RBM19: variants seen among roughly 807,000 people sequenced by gnomAD.
The protein encoded by RBM19 is RNA binding motif protein 19, also known as probable RNA-binding protein 19.
A neutral mutation model predicts 116.8 loss-of-function variants in RBM19; 94 were observed. The observed-to-expected ratio is 0.80, with a 90% CI of 0.68 to 0.95. The LOEUF (loss-of-function observed/expected upper bound fraction) is 0.95, where lower values mean the gene tolerates loss of function less well. Ranked by LOEUF, RBM19 falls within the 40% of genes least tolerant of loss-of-function variation. The pLI is 0.00. For synonymous variants in RBM19, 475 were observed against 494.1 expected, an observed-to-expected ratio of 0.96 and a Z score of 0.51; for missense variants, 1,161 against 1,220.7, an observed-to-expected ratio of 0.95 and a Z score of 0.73.
At position 113,824,136 on chromosome 12, in the gene RBM19, C is replaced by T. The variant is rs545574591; in HGVS notation, c.2786-815G>A. On this transcript the variant is annotated intron_variant, in intron 23 of 23. Transcript: ENST00000261741. ...CCACAAGCACCTCCTGATTAGGTAC[C>T]ATCATGAACCATGGCTCCACTCCTG... Among the ~76,000 whole-genome samples, 5 of 152,270 alleles carry T rather than the reference C, an allele frequency of 3.3e-5. No individual in the cohort carries two copies. In the East Asian group the frequency reaches 9.7e-4, roughly 29 times the overall value.
At chr12:113,846,792 A>G (rs1359078486) in intron 22 of RBM19, among the ~76,000 whole-genome samples, 2 of 152,188 alleles carry the variant, frequency 1.3e-5, no homozygotes, top group Admixed American at 1.3e-4. Flanking sequence ...GGCTCACTGC[A>G]TCCTCGAACC....
At chr12:113,883,044 G>C (rs1301147040) in intron 21 of RBM19, among the ~76,000 whole-genome samples, 1 of 149,864 alleles carries the variant, frequency 6.7e-6, no homozygotes, top group African/African-American at 2.4e-5. Context: ...AAGAGAGACA[G>C]AGAGAGAGAG....
rs1036455593 is a variant in RBM19, at chr12:113,858,724, G to A, written c.2664+67C>T. 1.6e-5 allele frequency: 23 copies of A among 1,479,674 alleles called. No homozygotes were observed. The African/African-American group carries it at 3.2e-4, about 21-fold the overall frequency. The allele number at this position is 1,479,674 out of a possible 1,614,324, so 91.7% of individuals were successfully genotyped here. ...CTCTGTGTGTGTTAGAGGCCTGGCT[G>A]TCTCTCCTACAATGGGTACTGGAAA... On this transcript the variant is annotated intron_variant, in intron 22 of 23. Transcript: ENST00000261741.
chr12:113,949,172 G>T, intron 9 of RBM19, 136 bp from the exon 10 acceptor site: 1 of 785,158 alleles, frequency 1.3e-6, no homozygotes, highest in Non-Finnish European at 2.1e-6. Flanking sequence ...CCCAACACCT[G>T]CCCTGTCACC....
intron 21 of RBM19, among the ~76,000 whole-genome samples, chr12:113,877,574 T>G (rs1029556562): frequency 3.3e-5 from 5 of 152,226 alleles, no homozygotes; most frequent in Non-Finnish European, 7.3e-5. Context: ...TGAGGCTAAG[T>G]TGTTACTGCA....
intron 13 of RBM19, among the ~76,000 whole-genome samples, chr12:113,944,093 G>GTTTTTTTTTTTTTTTTTTTTTTTTT (rs71433305): frequency 1.5e-5 from 1 of 67,668 alleles, no homozygotes; most frequent in African/African-American, 6.3e-5. Flanking sequence ...CCAGATGCAT[G>GTTTTTTTTTTTTTTTTTTTTTTTTT]TTTTTTTTTT....
At chr12:113,929,497 T>C (rs1869413830) in intron 16 of RBM19, among the ~76,000 whole-genome samples, 1 of 152,194 alleles carries the variant, frequency 6.6e-6, no homozygotes, top group Non-Finnish European at 1.5e-5. Flanking sequence ...CTCCATGGTG[T>C]GGCCCTTTGT....
At chr12:113,831,777 C>T (rs1424943141) in intron 23 of RBM19, among the ~76,000 whole-genome samples, 1 of 152,172 alleles carries the variant, frequency 6.6e-6, no homozygotes, top group Non-Finnish European at 1.5e-5. Context: ...CGGGATATTG[C>T]CGAAGCACTT....
At chr12:113,880,820 A>G (rs1437693435) in intron 21 of RBM19, among the ~76,000 whole-genome samples, 2 of 152,124 alleles carry the variant, frequency 1.3e-5, no homozygotes, top group Non-Finnish European at 2.9e-5. Flanking sequence ...CAGGGGCCTT[A>G]CTGGTCTTGG....
chr12:113,945,759 G>A (rs774194274), intron 13 of RBM19, 69 bp downstream of exon 13: 40 of 1,333,728 alleles, frequency 3.0e-5, no homozygotes, highest in Admixed American at 7.7e-5. Context: ...GCAGTACAAC[G>A]AGCCTCCTGC....
At chr12:113,900,633 T>C (rs1290680173) in intron 21 of RBM19, among the ~76,000 whole-genome samples, 1 of 152,164 alleles carries the variant, frequency 6.6e-6, no homozygotes, top group Non-Finnish European at 1.5e-5. Context: ...GTGTTTTTTT[T>C]CCACGTGGAA....
intron 21 of RBM19, among the ~76,000 whole-genome samples, chr12:113,874,620 A>T (rs1193774524): frequency 6.6e-6 from 1 of 152,224 alleles, no homozygotes; most frequent in Non-Finnish European, 1.5e-5. Flanking sequence ...CCTTGAACTC[A>T]GTCCTTATGT....
intron 8 of RBM19, 47 bp from the exon 9 acceptor site, chr12:113,950,201 A>G: frequency 6.8e-7 from 1 of 1,462,174 alleles, no homozygotes; most frequent in Non-Finnish European, 9.6e-7. Context: ...CCTTGCAGAC[A>G]CTTGTGGTGG....
chr12:113,831,497 TC>T (rs1053275987), intron 23 of RBM19, among the ~76,000 whole-genome samples: 9 of 152,038 alleles, frequency 5.9e-5, no homozygotes, highest in African/African-American at 2.2e-4. Context: ...CCTCGTCCAA[TC>T]CCGGCCCAGC....
intron 21 of RBM19, among the ~76,000 whole-genome samples, chr12:113,908,970 T>A (rs1260438786): frequency 2.6e-5 from 4 of 152,152 alleles, no homozygotes; most frequent in Non-Finnish European, 5.9e-5. Flanking sequence ...GTCAGTACAC[T>A]AAGCAACCAC....
At chr12:113,912,969 T>TCTTAC (rs1158996909) in intron 21 of RBM19, among the ~76,000 whole-genome samples, 2 of 151,890 alleles carry the variant, frequency 1.3e-5, no homozygotes, top group African/African-American at 4.8e-5. Flanking sequence ...TCCAAGAAGG[T>TCTTAC]CTTACGTTTC....
rs558802467 is a variant in RBM19, at chr12:113,940,233, G to A, written c.1738-73C>T. ...TCCCCAGCTGACACCAGCAGGGATC[G>A]TGGGGCTCTCCAGACAAGGCTCTCC... On this transcript the variant is annotated intron_variant, in intron 14 of 23. Coordinates refer to ENST00000261741, the MANE Select transcript of RBM19 (RefSeq NM_016196.4). 2.9e-5 allele frequency: 42 copies of A among 1,467,146 alleles called. No homozygotes were observed. In the South Asian group the frequency reaches 3.2e-4, roughly 11 times the overall value. 90.9% of individuals were successfully genotyped at this position (1,467,146 alleles called of 1,614,324 possible).
At chr12:113,947,259 C>G (rs1871104245) in intron 11 of RBM19, 75 bp downstream of exon 11, 6 of 1,080,728 alleles carry the variant, frequency 5.6e-6, no homozygotes, top group African/African-American at 3.1e-5. Context: ...CACACACATA[C>G]ACACACACAC....
At chr12:113,851,665 A>T (rs1877457464) in intron 22 of RBM19, among the ~76,000 whole-genome samples, 1 of 151,990 alleles carries the variant, frequency 6.6e-6, no homozygotes, top group South Asian at 2.1e-4. Flanking sequence ...CTCTTCCTTT[A>T]GCCCAACGCC....
Sources: gnomAD v4.1 joint callset for allele counts (sites outside exome capture counted in the v4.1 genomes callset) on GRCh38, gnomAD v4.1.1 for gene constraint, MANE v1.5 for transcripts, NCBI Gene and HGNC (gene_info 2026-07-23, HGNC 2026-07-21) for gene names.